FGF7: variants seen among roughly 807,000 people sequenced by gnomAD.
FGF7 encodes FGF-7.
In FGF7, 6 loss-of-function variants were observed where a neutral mutation model predicts 20.5. The observed-to-expected ratio is 0.29, with a 90% CI of 0.16 to 0.58. The LOEUF is 0.58. Ranked by LOEUF, FGF7 falls within the 20% of genes least tolerant of loss-of-function variation. FGF7 has a pLI of 0.90. For missense variants in FGF7, 144 were observed against 228.8 expected, an observed-to-expected ratio of 0.63 and a Z score of 2.39; for synonymous variants, 64 against 74.7, an observed-to-expected ratio of 0.86 and a Z score of 0.74.
intron 2 of FGF7, among the ~76,000 whole-genome samples, chr15:49,445,748 G>A (rs978617259): frequency 1.8e-4 from 28 of 151,538 alleles, no homozygotes; most frequent in African/African-American, 5.8e-4. Context: ...AAAACTGCAG[G>A]TATCTGTTTA....
At chr15:49,457,071 C>T (rs2053367592) in intron 2 of FGF7, among the ~76,000 whole-genome samples, 2 of 151,840 alleles carry the variant, frequency 1.3e-5, no homozygotes, top group African/African-American at 4.8e-5. Flanking sequence ...ACTACACCAC[C>T]ATGCCTGTCA....
At chr15:49,469,398 T>A (rs2054542052) in intron 2 of FGF7, among the ~76,000 whole-genome samples, 1 of 152,164 alleles carries the variant, frequency 6.6e-6, no homozygotes, top group Admixed American at 6.5e-5. Context: ...TACAATTATA[T>A]TTAATTTTAA....
intron 2 of FGF7, among the ~76,000 whole-genome samples, chr15:49,481,371 T>C (rs1373279960): frequency 1.3e-5 from 2 of 152,232 alleles, no homozygotes; most frequent in Admixed American, 6.5e-5. Flanking sequence ...TTTAACCTAA[T>C]AGTATTCTTC....
At chr15:49,456,231 G>A (rs2053272595) in intron 2 of FGF7, among the ~76,000 whole-genome samples, 1 of 151,866 alleles carries the variant, frequency 6.6e-6, no homozygotes, top group African/African-American at 2.4e-5. Flanking sequence ...TTCCCTCTGA[G>A]ACTTGAATTA....
intron 2 of FGF7, among the ~76,000 whole-genome samples, chr15:49,456,090 A>C (rs550966865): frequency 7.1e-4 from 108 of 152,280 alleles, no homozygotes; most frequent in Non-Finnish European, 1.3e-3. Flanking sequence ...AGACATTCTA[A>C]AATGTTAAAA....
chr15:49,475,423 G>A (rs111407371), intron 2 of FGF7, among the ~76,000 whole-genome samples: 3,995 of 152,170 alleles, frequency 0.026, 189 homozygotes, highest in African/African-American at 0.092. Context: ...CAGAGTTAAG[G>A]GCAGGGACAT....
At chr15:49,452,292 A>G (rs1307103756) in intron 2 of FGF7, among the ~76,000 whole-genome samples, 1 of 152,138 alleles carries the variant, frequency 6.6e-6, no homozygotes, top group East Asian at 1.9e-4. Context: ...ACCTCAAGTT[A>G]TCTGCCTGCC....
At chr15:49,450,229 T>C (rs762864356) in intron 2 of FGF7, among the ~76,000 whole-genome samples, 54 of 152,230 alleles carry the variant, frequency 3.5e-4, no homozygotes, top group Non-Finnish European at 6.2e-4. Flanking sequence ...AGAATAACAA[T>C]TGAACAACTG....
chr15:49,437,983 A>C (rs1382719858), intron 2 of FGF7, among the ~76,000 whole-genome samples: 1 of 151,606 alleles, frequency 6.6e-6, no homozygotes, highest in Non-Finnish European at 1.5e-5. Flanking sequence ...CAGGCTAGAG[A>C]AGAGGGTAGG....
intron 2 of FGF7, among the ~76,000 whole-genome samples, chr15:49,474,849 G>A (rs1395730845): frequency 3.9e-5 from 6 of 152,096 alleles, no homozygotes; most frequent in African/African-American, 7.2e-5. Flanking sequence ...AATGCCTGAC[G>A]ATTTGAAGTG....
At chr15:49,457,387 T>A (rs567955780) in intron 2 of FGF7, among the ~76,000 whole-genome samples, 20 of 152,130 alleles carry the variant, frequency 1.3e-4, no homozygotes, top group South Asian at 4.1e-4. Context: ...ATAACTTTTT[T>A]AAAAAGCATT....
intron 2 of FGF7, among the ~76,000 whole-genome samples, chr15:49,451,748 C>T (rs1749913210): frequency 6.6e-6 from 1 of 152,024 alleles, no homozygotes; most frequent in Non-Finnish European, 1.5e-5. Context: ...ATTAATACTC[C>T]TAAATTTTAT....
Position 49,486,347 on chromosome 15 carries a change from G to A in FGF7, c.*1843G>A, listed in dbSNP as rs1211376121. ...TGGGAGAGAGCATGAATGGTATTCTGAACTATCACCTGATTCAAGGACTTT... is the reference window on the plus strand; with the variant it reads ...TGGGAGAGAGCATGAATGGTATTCTAAACTATCACCTGATTCAAGGACTTT... On this transcript the variant is annotated 3_prime_UTR_variant, in exon 4 of 4. Coordinates refer to ENST00000267843, the MANE Select transcript of FGF7 (RefSeq NM_002009.4). The A allele has an allele frequency of 1.3e-5, 2 of 151,996 alleles. No homozygotes were observed. The highest frequency in any genetic ancestry group is 2.9e-5 in the Non-Finnish European group (2 of 67,928). The allele number at this position is 151,996 out of a possible 1,614,324, so 9.4% of individuals were successfully genotyped here.
At chr15:49,436,273 T>C (rs190486447) in intron 2 of FGF7, among the ~76,000 whole-genome samples, 6 of 151,756 alleles carry the variant, frequency 4.0e-5, no homozygotes, top group East Asian at 1.9e-4. Flanking sequence ...CTGAAAATAT[T>C]TGAGTAGTCA....
intron 2 of FGF7, among the ~76,000 whole-genome samples, chr15:49,450,050 T>C (rs1021661512): frequency 3.3e-5 from 5 of 152,128 alleles, no homozygotes; most frequent in African/African-American, 4.8e-5. Flanking sequence ...CAGCAATGCA[T>C]GTGCCAAAGT....
intron 2 of FGF7, among the ~76,000 whole-genome samples, chr15:49,476,123 T>A (rs1018288669): frequency 6.6e-6 from 1 of 152,016 alleles, no homozygotes; most frequent in African/African-American, 2.4e-5. Flanking sequence ...TATTCATCCA[T>A]CAAGATCTAA....
chr15:49,457,282 G>A (rs1220752644), intron 2 of FGF7, among the ~76,000 whole-genome samples: 2 of 151,974 alleles, frequency 1.3e-5, no homozygotes, highest in African/African-American at 4.8e-5. Context: ...TAACAACGGT[G>A]TTAGTAATAG....
intron 2 of FGF7, among the ~76,000 whole-genome samples, chr15:49,471,243 T>C (rs952283215): frequency 2.8e-5 from 3 of 106,750 alleles, no homozygotes; most frequent in Non-Finnish European, 6.1e-5. Flanking sequence ...CCCAGCACTT[T>C]GGGAGGCCGA....
intron 2 of FGF7, among the ~76,000 whole-genome samples, chr15:49,437,767 A>C (rs2051241137): frequency 6.6e-6 from 1 of 151,682 alleles, no homozygotes; most frequent in African/African-American, 2.4e-5. Context: ...CAATGCAAGC[A>C]CCCACCATTG....
Sources: gnomAD v4.1 joint callset for allele counts (sites outside exome capture counted in the v4.1 genomes callset) on GRCh38, gnomAD v4.1.1 for gene constraint, MANE v1.5 for transcripts, NCBI Gene and HGNC (gene_info 2026-07-23, HGNC 2026-07-21) for gene names.